The following LAYN variants were observed in gnomAD, a reference collection of about 807,000 sequenced individuals.
LAYN encodes layilin.
In LAYN, 38 loss-of-function variants were observed where a neutral mutation model predicts 43.6. That is an observed-to-expected ratio of 0.87 (90% CI 0.67 to 1.14). LAYN has a LOEUF of 1.14. LAYN is among the 50% of genes most tolerant of loss of function. The pLI is 0.00. For synonymous variants in LAYN, 168 were observed against 172.9 expected (o/e 0.97, Z 0.22); for missense variants, 479 against 463.8 (o/e 1.03, Z -0.30).
chr11:111,552,471 G>A (rs908973017), intron 3 of LAYN, among the ~76,000 whole-genome samples: 1 of 152,238 alleles, frequency 6.6e-6, no homozygotes, highest in Admixed American at 6.5e-5. Context: ...GGAACTGGGT[G>A]AATGATAATA....
chr11:111,560,236 C>T lies in LAYN; in HGVS notation c.903C>T (p.Asp301=). Residue 301 remains aspartate, a synonymous_variant, in exon 7 of 7, where the codon GAC becomes GAT. Transcript: ENST00000375614. ...CTGACTTAGCTGAGACCCGGCCAGA[C>T]CTGAAGAATATTTCATTCCGAGTGT... ...SEADLAETRP[D]LKNISFRVCS... 6.2e-7 allele frequency: 1 copy of T among 1,614,196 alleles called. No homozygotes were observed. The highest frequency in any genetic ancestry group is 8.5e-7 in the Non-Finnish European group (1 of 1,180,036).
intron 3 of LAYN, among the ~76,000 whole-genome samples, chr11:111,553,636 C>A (rs1482088188): frequency 9.2e-4 from 117 of 127,750 alleles, no homozygotes; most frequent in Admixed American, 4.3e-3. Flanking sequence ...AAAAAAAAAA[C>A]AACACTTAGA....
rs377123221 is a variant in LAYN at position 111,540,912 on chromosome 11, G to C, written c.69G>C (p.Thr23=). 1 of 1,532,086 alleles carries C rather than the reference G, an allele frequency of 6.5e-7. No homozygotes were observed. The highest frequency in any genetic ancestry group is 1.4e-5 in the African/African-American group (1 of 72,976). The allele number at this position is 1,532,086 out of a possible 1,614,324, so 94.9% of individuals were successfully genotyped here. A position where few individuals can be genotyped will look rare whatever the true frequency, so the allele number is the denominator to read the frequency against. ...TGCTGGTGGGGCTGCGGGCCGCGACGGGTCGCCTGCTGAGTGGTGAGTGCG... is the reference window on the plus strand; with the variant it reads ...TGCTGGTGGGGCTGCGGGCCGCGACCGGTCGCCTGCTGAGTGGTGAGTGCG... ...AVLLVGLRAA[T]GRLLSGQPVC... is the part of the protein sequence containing the mutation. Residue 23 remains threonine, a synonymous_variant, in exon 1 of 7, where the codon ACG becomes ACC. Transcript: ENST00000375614.
intron 5 of LAYN, among the ~76,000 whole-genome samples, chr11:111,556,049 C>T (rs939775618): frequency 3.3e-5 from 5 of 152,144 alleles, no homozygotes; most frequent in Non-Finnish European, 5.9e-5. Context: ...GTTTAGGGGT[C>T]CCCAGGCCAC....
At position 111,549,646 on chromosome 11, in the gene LAYN, G is replaced by A. The variant is rs780335402; in HGVS notation, c.412G>A (p.Gly138Ser). Residue 138 changes from glycine (G) to serine (S), a missense_variant, in exon 3 of 7, where the codon GGC becomes AGC. Physicochemically the swap from Gly to Ser is moderately conservative, Grantham distance 56. Transcript: ENST00000375614. Reference protein sequence around the residue: ...RNWYVDEPSCGSEVCVVMYHQ... With the variant: ...RNWYVDEPSCSSEVCVVMYHQ... The stretch of plus-strand genomic sequence containing the variant: ...CTGGTATGTGGATGAGCCATCCTGC[G>A]GCAGCGAGGTCTGCGTGGTCATGTA... 55 of 1,581,032 alleles carry A rather than the reference G, an allele frequency of 3.5e-5. 1 individual carries two copies. The Admixed American group carries it at 4.9e-4, about 14-fold the overall frequency.
intron 3 of LAYN, among the ~76,000 whole-genome samples, chr11:111,550,658 C>A (rs919466019): frequency 6.6e-6 from 1 of 152,158 alleles, no homozygotes; most frequent in African/African-American, 2.4e-5. Flanking sequence ...CGGATGAATT[C>A]TTCTCTCCAG....
intron 3 of LAYN, among the ~76,000 whole-genome samples, chr11:111,552,538 C>G (rs977669766): frequency 3.9e-5 from 6 of 152,238 alleles, no homozygotes; most frequent in Non-Finnish European, 8.8e-5. Context: ...CTAGCCATAG[C>G]TGAACACTTG....
chr11:111,550,211 T>G (rs4938792), intron 3 of LAYN, among the ~76,000 whole-genome samples: 1 of 152,020 alleles, frequency 6.6e-6, no homozygotes, highest in Non-Finnish European at 1.5e-5. Flanking sequence ...ACGATACATA[T>G]GTAAATGATA....
At chr11:111,551,279 A>T in intron 3 of LAYN, 1 of 454,784 alleles carries the variant, frequency 2.2e-6, no homozygotes, top group South Asian at 1.6e-5. Context: ...AAATACTGAG[A>T]CTTCTCTTTC....
chr11:111,557,120 C>T (rs1209339120), intron 5 of LAYN, among the ~76,000 whole-genome samples: 1 of 151,996 alleles, frequency 6.6e-6, no homozygotes, highest in Non-Finnish European at 1.5e-5. Context: ...ATCAACACTG[C>T]CCCAGCGGCC....
intron 5 of LAYN, among the ~76,000 whole-genome samples, chr11:111,556,853 A>T (rs1867854444): frequency 6.6e-6 from 1 of 152,188 alleles, no homozygotes; most frequent in Non-Finnish European, 1.5e-5. Context: ...CTTGAGGGGA[A>T]CATCTTTGGT....
intron 2 of LAYN, among the ~76,000 whole-genome samples, chr11:111,546,762 G>A (rs1415617086): frequency 1.3e-5 from 2 of 152,154 alleles, no homozygotes; most frequent in Non-Finnish European, 2.9e-5. Context: ...CTCATGATGG[G>A]CAGGTTGTGC....
intron 6 of LAYN, 73 bp downstream of exon 6, chr11:111,557,716 C>T: frequency 7.9e-7 from 1 of 1,270,704 alleles, no homozygotes; most frequent in Admixed American, 1.7e-5. Flanking sequence ...GCCTTGTTTA[C>T]TTCATTAAAA....
chr11:111,556,146 G>C (rs1489795438), intron 5 of LAYN, among the ~76,000 whole-genome samples: 4 of 152,166 alleles, frequency 2.6e-5, no homozygotes, highest in Admixed American at 6.5e-5. Flanking sequence ...ACAACCTACA[G>C]AACTCAGGAA....
rs146494555 is a variant in LAYN at position 111,560,352 on chromosome 11, G to A, written c.1019G>A (p.Ser340Asn). The A allele has an allele frequency of 1.0e-3, 1,685 of 1,614,224 alleles. 1 individual carries two copies. The highest frequency in any genetic ancestry group is 1.4e-3 in the Non-Finnish European group (1,617 of 1,180,042). Residue 340 changes from serine to asparagine, a missense_variant, in exon 7 of 7, where the codon AGC (serine) becomes AAC (asparagine). Ser to Asn is a conservative substitution (Grantham distance 46). Transcript: ENST00000375614. ...GAAAGTGGGTTTGTGACTCTGGTGA[G>A]CGTGGAGAGTGGATTTGTGACCAAT... ...PSESGFVTLV[S>N]VESGFVTNDI...
chr11:111,544,206 C>T lies in LAYN; in HGVS notation c.369C>T (p.Ser123=), dbSNP rs1245015678. The change falls in exon 2 of 7, where the codon AGC becomes AGT. Residue 123 remains serine (S), a synonymous_variant. Coordinates refer to ENST00000375614, the MANE Select transcript of LAYN (RefSeq NM_178834.5). Reference sequence around the variant, plus strand: ...ACCTTTATGCTTGGACTGATGGCAGCATATCACAATTTAGGTAAGTGTGTG... The same window carrying T: ...ACCTTTATGCTTGGACTGATGGCAGTATATCACAATTTAGGTAAGTGTGTG... ...CQDLYAWTDG[S]ISQFRNWYVD... is the part of the protein sequence containing the mutation. The T allele has an allele frequency of 1.9e-6, 3 of 1,612,732 alleles. No homozygotes were observed. Among genetic ancestry groups the T allele is most frequent in the Non-Finnish European group, 2.5e-6 (3 of 1,179,372 alleles).
Position 111,561,502 on chromosome 11 carries a change from T to C in LAYN, c.*1044T>C. ...ATCAACATAACATGACTAATAATGA[T>C]GACAGTTCTACCTTTTGTTGACAGA... On this transcript the variant is annotated 3_prime_UTR_variant, in exon 7 of 7. Coordinates refer to ENST00000375614, the MANE Select transcript of LAYN (RefSeq NM_178834.5). 1 of 152,242 alleles carries C rather than the reference T, an allele frequency of 6.6e-6. No homozygotes were observed. The highest frequency in any genetic ancestry group is 1.5e-5 in the Non-Finnish European group (1 of 68,034). 9.4% of individuals were successfully genotyped at this position (152,242 alleles called of 1,614,324 possible).
chr11:111,560,680 C>A lies in LAYN; in HGVS notation c.*222C>A. ...TCGACCTTATGAGAAGGTACCTTGC[C>A]CAGGTCTGGCACATAGTAGAGTCTC... On this transcript the variant is annotated 3_prime_UTR_variant, in exon 7 of 7. Transcript: ENST00000375614. The A allele has an allele frequency of 1.9e-6, 1 of 538,870 alleles. No individual in the cohort carries two copies. Among genetic ancestry groups the A allele is most frequent in the Non-Finnish European group, 3.3e-6 (1 of 303,298 alleles). The allele number at this position is 538,870 out of a possible 1,614,324, so 33.4% of individuals were successfully genotyped here. A position where few individuals can be genotyped will look rare whatever the true frequency, so the allele number is the denominator to read the frequency against.
intron 1 of LAYN, among the ~76,000 whole-genome samples, chr11:111,542,775 A>G (rs1867571586): frequency 6.6e-6 from 1 of 152,232 alleles, no homozygotes; most frequent in Admixed American, 6.5e-5. Context: ...ATCCGGAAAC[A>G]TATGCTGTGT....
Sources: gnomAD v4.1 joint callset for allele counts (sites outside exome capture counted in the v4.1 genomes callset) on GRCh38, gnomAD v4.1.1 for gene constraint, MANE v1.5 for transcripts, NCBI Gene and HGNC (gene_info 2026-07-23, HGNC 2026-07-21) for gene names.